Variants in CSMD1 observed in about 807,000 individuals in gnomAD.
CSMD1 encodes CUB and Sushi multiple domains 1.
Under a neutral mutation model 417.5 loss-of-function variants are expected in CSMD1, and 213 were observed. The ratio of observed to expected loss-of-function variants is 0.51; its 90% confidence interval spans 0.46 to 0.57. The LOEUF (loss-of-function observed/expected upper bound fraction) is 0.57. CSMD1 is among the 20% of genes least tolerant of loss of function. CSMD1 has a pLI of 0.00. For synonymous variants in CSMD1, 2,862 were observed against 1,736.8 expected (o/e 1.65, Z -16.11); for missense variants, 6,923 against 4,529.7 (o/e 1.53, Z -15.17).
chr8:3,594,475 T>A (rs1206736601), intron 8 of CSMD1, among the ~76,000 whole-genome samples: 1 of 152,190 alleles, frequency 6.6e-6, no homozygotes, highest in African/African-American at 2.4e-5. Flanking sequence ...AAAACCCTGT[T>A]GGTAACAAAG....
chr8:4,289,786 G>A (rs1440006547), intron 3 of CSMD1, among the ~76,000 whole-genome samples: 1 of 152,178 alleles, frequency 6.6e-6, no homozygotes, highest in Non-Finnish European at 1.5e-5. Context: ...ATAGTTAAAA[G>A]GAGGTATCCA....
intron 4 of CSMD1, among the ~76,000 whole-genome samples, chr8:4,031,440 G>C (rs543446040): frequency 5.3e-5 from 8 of 152,174 alleles, no homozygotes; most frequent in East Asian, 1.9e-4. Flanking sequence ...GATCTCATAA[G>C]ACTTATGTGC....
intron 5 of CSMD1, among the ~76,000 whole-genome samples, chr8:3,888,977 T>C: frequency 6.6e-6 from 1 of 152,312 alleles, no homozygotes; most frequent in South Asian, 2.1e-4. Flanking sequence ...AAAGAAACTT[T>C]ATCCTTTATG....
chr8:4,840,459 G>T (rs891236843), intron 1 of CSMD1, among the ~76,000 whole-genome samples: 1 of 152,076 alleles, frequency 6.6e-6, no homozygotes, highest in Admixed American at 6.5e-5. Context: ...GAAAACATAC[G>T]ATATAACACG....
rs142841363 is a variant in CSMD1, at chr8:3,491,247, C to T, written c.1448+2376G>A. ...AAGATCCTGGAGCAGTATCACATCACTGAGTTGGAATCCCTGCCTCAATGT... is the reference window on the plus strand; with the variant it reads ...AAGATCCTGGAGCAGTATCACATCATTGAGTTGGAATCCCTGCCTCAATGT... On this transcript the variant is annotated intron_variant, in intron 11 of 69. Transcript: ENST00000635120. Among the ~76,000 whole-genome samples, 52 of 152,284 alleles carry T rather than the reference C, an allele frequency of 3.4e-4. 2 individuals are homozygous for T. The East Asian group carries it at 6.9e-3, about 20-fold the overall frequency.
At chr8:4,078,977 C>T (rs1028479775) in intron 3 of CSMD1, among the ~76,000 whole-genome samples, 5 of 135,432 alleles carry the variant, frequency 3.7e-5, no homozygotes, top group African/African-American at 8.9e-5. Context: ...TCACTTTTTC[C>T]CACAATGTTG....
chr8:3,042,682 G>C (rs545428668), intron 50 of CSMD1, among the ~76,000 whole-genome samples: 1 of 152,090 alleles, frequency 6.6e-6, no homozygotes, highest in Non-Finnish European at 1.5e-5. Flanking sequence ...TATACTCTGG[G>C]CATGATAGCA....
chr8:4,286,345 A>T (rs1423873451), intron 3 of CSMD1, among the ~76,000 whole-genome samples: 1 of 152,160 alleles, frequency 6.6e-6, no homozygotes, highest in African/African-American at 2.4e-5. Flanking sequence ...TTTTTAAAAA[A>T]CAACGTTTTT....
intron 2 of CSMD1, among the ~76,000 whole-genome samples, chr8:4,502,608 G>C (rs1383253839): frequency 2.0e-5 from 3 of 151,888 alleles, no homozygotes; most frequent in Admixed American, 1.3e-4. Context: ...TTTTAAAAAA[G>C]GACTCTATAT....
chr8:4,221,713 C>A (rs1801042954), intron 3 of CSMD1, among the ~76,000 whole-genome samples: 1 of 152,190 alleles, frequency 6.6e-6, no homozygotes, highest in African/African-American at 2.4e-5. Flanking sequence ...GAGGCTTTCT[C>A]TCCAGAGATG....
At chr8:4,965,269 A>G (rs968143360) in intron 1 of CSMD1, among the ~76,000 whole-genome samples, 3 of 152,230 alleles carry the variant, frequency 2.0e-5, no homozygotes, top group Admixed American at 6.5e-5. Context: ...CAATTAGCCA[A>G]TACTTACTGA....
chr8:4,217,855 G>C lies in CSMD1; in HGVS notation c.416-185756C>G, dbSNP rs539959983. Among the ~76,000 whole-genome samples the C allele has an allele frequency of 3.4e-4, 51 of 152,238 alleles. No homozygotes were observed. The South Asian group carries it at 0.01, about 31-fold the overall frequency. ...CAAATGCAAAAAGAAAATGTGAAAA[G>C]GTGAGCCAGAAAGGAAACATAAGAG... On this transcript the variant is annotated intron_variant, in intron 3 of 69. Transcript: ENST00000635120.
intron 3 of CSMD1, among the ~76,000 whole-genome samples, chr8:4,192,601 A>G (rs1037650134): frequency 6.6e-6 from 1 of 152,154 alleles, no homozygotes; most frequent in African/African-American, 2.4e-5. Context: ...TTGCCCTATA[A>G]TGAGAACAGG....
At chr8:3,730,909 G>C (rs1390674302) in intron 6 of CSMD1, among the ~76,000 whole-genome samples, 1 of 152,156 alleles carries the variant, frequency 6.6e-6, no homozygotes. Flanking sequence ...CCAATTTGCT[G>C]CTTCAAAGTG....
At chr8:3,125,924 C>A (rs911161805) in intron 41 of CSMD1, among the ~76,000 whole-genome samples, 2 of 152,176 alleles carry the variant, frequency 1.3e-5, no homozygotes, top group Non-Finnish European at 2.9e-5. Flanking sequence ...TTGCAGTGAG[C>A]TGAGATCGTG....
intron 1 of CSMD1, among the ~76,000 whole-genome samples, chr8:4,802,031 G>A (rs1351744851): frequency 3.3e-5 from 5 of 152,134 alleles, no homozygotes; most frequent in South Asian, 4.1e-4. Flanking sequence ...CAGACCATTT[G>A]CAAAGGGCAT....
intron 3 of CSMD1, among the ~76,000 whole-genome samples, chr8:4,364,073 A>C (rs1801931967): frequency 6.6e-6 from 1 of 152,214 alleles, no homozygotes; most frequent in Non-Finnish European, 1.5e-5. Flanking sequence ...CAGAAAAGTT[A>C]AGTGCTTGAG....
In CSMD1 at chr8:4,287,206, T is replaced by C. The variant is rs538361466; in HGVS notation, c.415+132747A>G. Among the ~76,000 whole-genome samples, 2 of 152,360 alleles carry C rather than the reference T, an allele frequency of 1.3e-5. 1 individual carries two copies. Among genetic ancestry groups the C allele is most frequent in the African/African-American group, 4.8e-5 (2 of 41,576 alleles). The stretch of plus-strand genomic sequence containing the variant: ...AACAGTTTAATTTTACTCACATAGC[T>C]AATTAGATATCTTGCCTCTATTTCC... On this transcript the variant is annotated intron_variant, in intron 3 of 69. Coordinates refer to ENST00000635120, the MANE Select transcript of CSMD1 (RefSeq NM_033225.6).
intron 30 of CSMD1, among the ~76,000 whole-genome samples, chr8:3,210,435 G>C (rs1488024260): frequency 1.3e-5 from 2 of 149,310 alleles, no homozygotes; most frequent in Non-Finnish European, 3.0e-5. Flanking sequence ...ATATATATAG[G>C]AATATACATA....
Sources: gnomAD v4.1 joint callset for allele counts (sites outside exome capture counted in the v4.1 genomes callset) on GRCh38, gnomAD v4.1.1 for gene constraint, MANE v1.5 for transcripts, NCBI Gene and HGNC (gene_info 2026-07-23, HGNC 2026-07-21) for gene names.